The following ZNF445 variants were observed in gnomAD, a reference collection of about 807,000 sequenced individuals.
The protein encoded by ZNF445 is zinc finger protein 168.
In ZNF445, 19 loss-of-function variants were observed where a neutral mutation model predicts 93.9. The ratio of observed to expected loss-of-function variants is 0.20; its 90% CI spans 0.14 to 0.30. The LOEUF is 0.30. ZNF445 is among the 10% of genes least tolerant of loss of function. The pLI is 1.00. For synonymous variants in ZNF445, 449 were observed against 446.3 expected, an observed-to-expected ratio of 1.01 and a Z score of -0.08; for missense variants, 1,058 against 1,259.4, an observed-to-expected ratio of 0.84 and a Z score of 2.42.
chr3:44,436,499 AC>A lies in ZNF445; in HGVS notation c.*10075del, dbSNP rs1245259896. On this transcript the variant is annotated 3_prime_UTR_variant, in exon 8 of 8. Transcript: ENST00000396077. ...TTTCTCATAATGAAGTGTCCTCTGGACCCTCCCTGGGTGGGTGAGCAGGTAT... is the reference window on the plus strand; with the variant it reads ...TTTCTCATAATGAAGTGTCCTCTGGACCTCCCTGGGTGGGTGAGCAGGTAT... The A allele has an allele frequency of 6.6e-6, 1 of 152,052 alleles. No homozygotes were observed. The highest frequency in any genetic ancestry group is 1.5e-5 in the Non-Finnish European group (1 of 68,030). The allele number at this position is 152,052 out of a possible 1,614,324, so 9.4% of individuals were successfully genotyped here. A position where few individuals can be genotyped will look rare whatever the true frequency, so the allele number is the denominator to read the frequency against.
rs1388569030 is a variant in ZNF445, at chr3:44,438,154, C to T, written c.*8421G>A. ...TGTATCTCCTCAGTCACATTTTGCA[C>T]TTCACTTTTTTTTTTTTTTAATTGA... On this transcript the variant is annotated 3_prime_UTR_variant, in exon 8 of 8. Coordinates refer to ENST00000396077, the MANE Select transcript of ZNF445 (RefSeq NM_181489.6). 1 of 151,226 alleles carries T rather than the reference C, an allele frequency of 6.6e-6. No homozygotes were observed. The highest frequency in any genetic ancestry group is 1.5e-5 in the Non-Finnish European group (1 of 67,864). The allele number at this position is 151,226 out of a possible 1,614,324, so 9.4% of individuals were successfully genotyped here.
chr3:44,450,817 T>C, intron 5 of ZNF445, 51 bp downstream of exon 5: 2 of 1,440,434 alleles, frequency 1.4e-6, no homozygotes, highest in South Asian at 1.4e-5. Flanking sequence ...CACTATCCCA[T>C]TAGGCAGCGA....
At position 44,472,576 on chromosome 3, in the gene ZNF445, T is replaced by C. The variant is rs74583339; in HGVS notation, c.-269+5015A>G. On this transcript the variant is annotated intron_variant, in intron 1 of 7. Coordinates refer to ENST00000396077, the MANE Select transcript of ZNF445 (RefSeq NM_181489.6). ...AATTCAGGGCGAATGCCTGTGAATA[T>C]AGTGAGGATTCCAGTCCTTGAGTCA... Among the ~76,000 whole-genome samples the C allele has an allele frequency of 8.8e-3, 1,334 of 152,322 alleles. 21 individuals are homozygous for C. The highest frequency in any genetic ancestry group is 0.031 in the African/African-American group (1,280 of 41,572).
chr3:44,452,357 TAA>T (rs542459626), intron 3 of ZNF445, among the ~76,000 whole-genome samples: 10 of 138,932 alleles, frequency 7.2e-5, no homozygotes, highest in South Asian at 6.9e-4. Context: ...AAGGAAGAAT[TAA>T]AAAAAAAAAA....
At position 44,437,238 on chromosome 3, in the gene ZNF445, C is replaced by T. The variant is rs926012422; in HGVS notation, c.*9337G>A. On this transcript the variant is annotated 3_prime_UTR_variant, in exon 8 of 8. Transcript: ENST00000396077. The stretch of plus-strand genomic sequence containing the variant: ...GATGACCAGAGGTCATTCTCATCAC[C>T]GTCTTGGTTTTGGTGGGTTTTAGCT... The T allele has an allele frequency of 3.3e-5, 5 of 152,128 alleles. No individual in the cohort carries two copies. The highest frequency in any genetic ancestry group is 3.3e-4 in the Admixed American group (5 of 15,270). 9.4% of individuals were successfully genotyped at this position (152,128 alleles called of 1,614,324 possible).
chr3:44,435,174 C>G lies in ZNF445; in HGVS notation c.*11401G>C, dbSNP rs1697651114. On this transcript the variant is annotated 3_prime_UTR_variant, in exon 8 of 8. Transcript: ENST00000396077. ...TTCCCCACTGCCAATCACCTTTCCC[C>G]ATGCCTCAGACCACCCTACTTCTCT... is the stretch of plus-strand genomic sequence containing the variant. The G allele has an allele frequency of 6.6e-6, 1 of 152,218 alleles. No individual in the cohort carries two copies. The highest frequency in any genetic ancestry group is 1.5e-5 in the Non-Finnish European group (1 of 68,054). The allele number at this position is 152,218 out of a possible 1,614,324, so 9.4% of individuals were successfully genotyped here.
intron 1 of ZNF445, among the ~76,000 whole-genome samples, chr3:44,469,996 C>G (rs775520947): frequency 2.6e-4 from 40 of 152,078 alleles, no homozygotes; most frequent in Admixed American, 5.9e-4. Context: ...AGCACGATCA[C>G]AGCTCACTGC....
chr3:44,450,293 A>C (rs886978171), intron 6 of ZNF445, 154 bp downstream of exon 6: 2 of 885,348 alleles, frequency 2.3e-6, no homozygotes. Flanking sequence ...CCCATTTTTC[A>C]AAAGAGGCTA....
chr3:44,451,058 G>T, intron 4 of ZNF445, 96 bp from the exon 5 acceptor site: 1 of 1,118,498 alleles, frequency 8.9e-7, no homozygotes, highest in Non-Finnish European at 1.3e-6. Flanking sequence ...GGACCCATGA[G>T]CAGGTACATA....
In ZNF445 at chr3:44,448,592, C is replaced by T. The variant is rs1181350275; in HGVS notation, c.1079G>A (p.Arg360Lys). 1 of 1,614,124 alleles carries T rather than the reference C, an allele frequency of 6.2e-7. No homozygotes were observed. Among genetic ancestry groups the T allele is most frequent in the East Asian group, 2.2e-5 (1 of 44,882 alleles). The change falls in exon 8 of 8, where the codon AGG becomes AAG. Residue 360 changes from arginine (R) to lysine (K), a missense_variant. Arg to Lys is a conservative substitution (Grantham distance 26). Coordinates refer to ENST00000396077, the MANE Select transcript of ZNF445 (RefSeq NM_181489.6). The part of the protein sequence containing the change: ...GLRESFQQKS[R>K]QKDQCENPIQ... ...GGGATTTTCACATTGATCCTTCTGC[C>T]TGCTCTTCTGTTGAAAAGATTCTCT...
intron 1 of ZNF445, among the ~76,000 whole-genome samples, chr3:44,467,789 T>C (rs1806579): frequency 0.39 from 59,716 of 151,966 alleles, 13,062 homozygotes; most frequent in East Asian, 0.86. Flanking sequence ...TTGTTTTTAA[T>C]AAAAATGGGG....
rs542621681 is a variant in ZNF445 at position 44,447,632 on chromosome 3, G to A, written c.2039C>T (p.Thr680Ile). 1.2e-6 allele frequency: 2 copies of A among 1,614,120 alleles called. No individual in the cohort carries two copies. Among genetic ancestry groups the A allele is most frequent in the South Asian group, 2.2e-5 (2 of 91,078 alleles). The part of the protein sequence containing the change: ...QPQGAPAVEK[T>I]FLCQQCGKTF... ...TTTCCCACACTGCTGACACAGAAATGTTTTCTCCACAGCGGGAGCACCCTG... is the reference window on the plus strand; with the variant it reads ...TTTCCCACACTGCTGACACAGAAATATTTTCTCCACAGCGGGAGCACCCTG... Residue 680 changes from threonine to isoleucine, a missense_variant, in exon 8 of 8, where the codon ACA becomes ATA. Thr to Ile is a moderately conservative substitution (Grantham distance 89, BLOSUM62 -1). Coordinates refer to ENST00000396077, the MANE Select transcript of ZNF445 (RefSeq NM_181489.6). This position sits in a 1 kb window ranked among gnomAD's most constrained non-coding sequence, Gnocchi z 4.7.
rs904528840 is a variant in ZNF445 at position 44,436,300 on chromosome 3, T to C, written c.*10275A>G. On this transcript the variant is annotated 3_prime_UTR_variant, in exon 8 of 8. Transcript: ENST00000396077. ...CTGTGGGTCAGACCATTCAGGATCC[T>C]GCTTTGGCTGCACTGTCCATGGCAG... is the stretch of plus-strand genomic sequence containing the variant. The C allele has an allele frequency of 6.6e-6, 1 of 152,248 alleles. No homozygotes were observed. The highest frequency in any genetic ancestry group is 2.4e-5 in the African/African-American group (1 of 41,468). 9.4% of individuals were successfully genotyped at this position (152,248 alleles called of 1,614,324 possible).
rs1198826773 is a variant in ZNF445, at chr3:44,440,452, A to G, written c.*6123T>C. ...AGATTTAGGCAAGGAGGAGCTTATA[A>G]TTTCCTATAAAGTGCATGTCTTGGT... On this transcript the variant is annotated 3_prime_UTR_variant, in exon 8 of 8. Transcript: ENST00000396077. 2.0e-5 allele frequency: 3 copies of G among 152,198 alleles called. No individual in the cohort carries two copies. Among genetic ancestry groups the G allele is most frequent in the African/African-American group, 7.2e-5 (3 of 41,448 alleles). 9.4% of individuals were successfully genotyped at this position (152,198 alleles called of 1,614,324 possible).
intron 1 of ZNF445, among the ~76,000 whole-genome samples, chr3:44,466,013 T>C (rs1056918394): frequency 5.9e-5 from 9 of 152,246 alleles, no homozygotes; most frequent in Non-Finnish European, 2.9e-5. Context: ...CTTTTGAAGA[T>C]GATTTTTAAT....
chr3:44,477,359 G>A (rs1040860563), intron 1 of ZNF445, among the ~76,000 whole-genome samples: 1 of 152,184 alleles, frequency 6.6e-6, no homozygotes, highest in Non-Finnish European at 1.5e-5. Flanking sequence ...AGAAAGCCCG[G>A]AGAAACCCGG....
Position 44,437,283 on chromosome 3 carries a change from G to A in ZNF445, c.*9292C>T, listed in dbSNP as rs1697700869. 6.6e-6 allele frequency: 1 copy of A among 152,148 alleles called. No individual in the cohort carries two copies. The allele number at this position is 152,148 out of a possible 1,614,324, so 9.4% of individuals were successfully genotyped here. A position where few individuals can be genotyped will look rare whatever the true frequency, so the allele number is the denominator to read the frequency against. Reference sequence around the variant, plus strand: ...TTAGCTGGCTTCTTTACTGCAACCTGCTTTATCAGCAAGGTCTTTGTGGCC... The same window carrying A: ...TTAGCTGGCTTCTTTACTGCAACCTACTTTATCAGCAAGGTCTTTGTGGCC... On this transcript the variant is annotated 3_prime_UTR_variant, in exon 8 of 8. Transcript: ENST00000396077.
chr3:44,451,039 A>T, intron 4 of ZNF445, 77 bp from the exon 5 acceptor site: 1 of 1,238,486 alleles, frequency 8.1e-7, no homozygotes, highest in Non-Finnish European at 1.1e-6. Context: ...CCCCCAGTAG[A>T]GGACTCCTGG....
Position 44,439,781 on chromosome 3 carries a change from A to G in ZNF445, c.*6794T>C, listed in dbSNP as rs1697774068. ...ACTGCAGACACCAAGAGGTTATGAA[A>G]AAGTTTACTACTCACATGAGGCCTT... On this transcript the variant is annotated 3_prime_UTR_variant, in exon 8 of 8. Coordinates refer to ENST00000396077, the MANE Select transcript of ZNF445 (RefSeq NM_181489.6). The G allele has an allele frequency of 6.6e-6, 1 of 152,206 alleles. No homozygotes were observed. The highest frequency in any genetic ancestry group is 2.4e-5 in the African/African-American group (1 of 41,452). 9.4% of individuals were successfully genotyped at this position (152,206 alleles called of 1,614,324 possible). A position where few individuals can be genotyped will look rare whatever the true frequency, so the allele number is the denominator to read the frequency against.
Sources: gnomAD v4.1 joint callset for allele counts (sites outside exome capture counted in the v4.1 genomes callset) on GRCh38, gnomAD v4.1.1 for gene constraint, Gnocchi (gnomAD v3.1) non-coding constraint, MANE v1.5 for transcripts, NCBI Gene and HGNC (gene_info 2026-07-23, HGNC 2026-07-21) for gene names.